Variants in GET4 observed in about 807,000 individuals in gnomAD.
GET4 encodes the protein Golgi to ER traffic protein 4 homolog.
Under a neutral mutation model 40.0 loss-of-function variants are expected in GET4, and 20 were observed. The observed-to-expected ratio is 0.50, with a 90% confidence interval of 0.35 to 0.73. The LOEUF (loss-of-function observed/expected upper bound fraction) is 0.73. Ranked by LOEUF, GET4 falls within the 30% of genes least tolerant of loss-of-function variation. The pLI is 0.01. For synonymous variants in GET4, 280 were observed against 194.6 expected (o/e 1.44, Z -3.65); for missense variants, 557 against 454.0 (o/e 1.23, Z -2.06).
chr7:884,094 T>C (rs979376960), intron 1 of GET4: 111 of 1,193,648 alleles, frequency 9.3e-5, no homozygotes, highest in Non-Finnish European at 1.1e-4. Context: ...GTCCTTTTTT[T>C]CTTCTGGTTT....
chr7:876,703 C>A lies in GET4; in HGVS notation c.58C>A (p.Arg20Ser), dbSNP rs1843948925. 1 of 1,360,106 alleles carries A rather than the reference C, an allele frequency of 7.4e-7. No individual in the cohort carries two copies. The highest frequency in any genetic ancestry group is 1.5e-5 in the South Asian group (1 of 65,738). The allele number at this position is 1,360,106 out of a possible 1,614,324, so 84.3% of individuals were successfully genotyped here. ...QESARNGGRN[R>S]GGVQRVEGKL... ...GAGCGCCCGGAACGGCGGCCGCAAC[C>A]GCGGCGGCGTCCAGCGTGTGGAGGG... Residue 20 changes from arginine to serine, a missense_variant, in exon 1 of 9, where the codon CGC becomes AGC. By Grantham distance (110) the Arg-to-Ser change is moderately radical. Transcript: ENST00000265857.
At chr7:892,218 C>T (rs1319155586) in intron 5 of GET4, 60 bp from the exon 6 acceptor site, 8 of 1,557,554 alleles carry the variant, frequency 5.1e-6, no homozygotes, top group South Asian at 3.4e-5. Flanking sequence ...AGGCCGGCGC[C>T]TGTGCGGGCA....
intron 1 of GET4, chr7:878,112 G>A: frequency 3.0e-6 from 1 of 334,934 alleles, no homozygotes; most frequent in Non-Finnish European, 6.2e-6. Flanking sequence ...CGAGTCAGCC[G>A]CCTCTGGACC....
At chr7:889,760 C>T (rs1490493975) in intron 4 of GET4, among the ~76,000 whole-genome samples, 9 of 63,738 alleles carry the variant, frequency 1.4e-4, no homozygotes, top group African/African-American at 4.4e-4. Flanking sequence ...GTGGAGGGAG[C>T]GCGAGCGGGT....
rs150453530 is a variant in GET4 at position 889,026 on chromosome 7, T to C, written c.466+1507T>C. Among the ~76,000 whole-genome samples the C allele has an allele frequency of 5.9e-4, 90 of 152,350 alleles. No individual in the cohort carries two copies. In the East Asian group the frequency reaches 0.011, roughly 19 times the overall value. ...TGGGACAGGTGATGCCCATGCCCAG[T>C]ACTCAGGAGACCTGCATGGCAGCTC... On this transcript the variant is annotated intron_variant, in intron 4 of 8. Transcript: ENST00000265857.
chr7:892,063 C>G (rs1466976583), intron 5 of GET4, among the ~76,000 whole-genome samples: 1 of 152,252 alleles, frequency 6.6e-6, no homozygotes, highest in Non-Finnish European at 1.5e-5. Flanking sequence ...GGTCACATTC[C>G]CAAGCTTCAT....
In GET4 at chr7:895,515, C is replaced by T; in HGVS notation, c.*93C>T. 1 of 627,936 alleles carries T rather than the reference C, an allele frequency of 1.6e-6. No homozygotes were observed. Among genetic ancestry groups the T allele is most frequent in the Non-Finnish European group, 2.8e-6 (1 of 353,936 alleles). 38.9% of individuals were successfully genotyped at this position (627,936 alleles called of 1,614,324 possible). ...GGGTGGCTCCTCGCCTTGGGGGCTC[C>T]TGGCCCTGAGGCTGGCGGTGGCCGC... is the stretch of plus-strand genomic sequence containing the variant. On this transcript the variant is annotated 3_prime_UTR_variant, in exon 9 of 9. Transcript: ENST00000265857.
In GET4 at chr7:886,075, C is replaced by A. The variant is rs772667695; in HGVS notation, c.175C>A (p.His59Asn). ...LFFRYMSQSK[H>N]TEARELMYSG... The stretch of plus-strand genomic sequence containing the variant: ...TGGCAGGTACATGTCCCAGAGCAAG[C>A]ACACGGAGGCCCGGGAGCTCATGTA... Residue 59 changes from histidine (H) to asparagine (N), a missense_variant, in exon 2 of 9, where the codon CAC becomes AAC. By Grantham distance (68) the His-to-Asn change is moderately conservative. Coordinates refer to ENST00000265857, the MANE Select transcript of GET4 (RefSeq NM_015949.3). The A allele has an allele frequency of 1.2e-6, 2 of 1,607,880 alleles. No individual in the cohort carries two copies. The highest frequency in any genetic ancestry group is 1.7e-6 in the Non-Finnish European group (2 of 1,175,932).
intron 7 of GET4, 39 bp downstream of exon 7, chr7:893,854 CGGTCTG>C (rs1562898648): frequency 6.2e-7 from 1 of 1,602,018 alleles, no homozygotes. Context: ...GGGGACCCCA[CGGTCTG>C]GGTCCACCCC....
chr7:895,595 C>A lies in GET4; in HGVS notation c.*173C>A. 1 of 487,976 alleles carries A rather than the reference C, an allele frequency of 2.0e-6. No homozygotes were observed. Among genetic ancestry groups the A allele is most frequent in the East Asian group, 3.4e-5 (1 of 29,122 alleles). The allele number at this position is 487,976 out of a possible 1,614,324, so 30.2% of individuals were successfully genotyped here. ...GGCTCAGGGTGGCGCGGCTGCTGCT[C>A]ACTGTGCTGCTGGGACCCAAGAGTG... On this transcript the variant is annotated 3_prime_UTR_variant, in exon 9 of 9. Transcript: ENST00000265857.
rs374027022 is a variant in GET4 at position 893,822 on chromosome 7, G to C, written c.822+7G>C. 4.0e-5 allele frequency: 65 copies of C among 1,609,390 alleles called. No homozygotes were observed. The African/African-American group carries it at 5.9e-4, about 15-fold the overall frequency. On this transcript the variant is annotated splice_region_variant and intron_variant, in intron 7 of 8. Transcript: ENST00000265857. ...GGACCCCATGTACAACGAGGTGAGA[G>C]CTTGGGGCTGGGGAGGGAGGAGGGG...
Position 883,981 on chromosome 7 carries a change from G to A in GET4, c.156-2075G>A, listed in dbSNP as rs74773165. The A allele has an allele frequency of 3.2e-3, 3,413 of 1,069,546 alleles. 76 individuals carry two copies. The African/African-American group carries it at 0.043, about 14-fold the overall frequency. 66.3% of individuals were successfully genotyped at this position (1,069,546 alleles called of 1,614,324 possible). ...CAGCTGCCCAGGGAAGAAGGGAGCCGGCTGCAAGGCGCAGTCCAAACCAGG... is the reference window on the plus strand; with the variant it reads ...CAGCTGCCCAGGGAAGAAGGGAGCCAGCTGCAAGGCGCAGTCCAAACCAGG... On this transcript the variant is annotated intron_variant, in intron 1 of 8. Transcript: ENST00000265857.
At chr7:878,410 T>C in intron 1 of GET4, 1 of 470,212 alleles carries the variant, frequency 2.1e-6, no homozygotes, top group African/African-American at 2.0e-5. Flanking sequence ...TCACTAGGAA[T>C]TGGGTCTGTT....
intron 8 of GET4, among the ~76,000 whole-genome samples, 154 bp downstream of exon 8, chr7:894,125 T>C (rs1844412333): frequency 6.6e-6 from 1 of 152,224 alleles, no homozygotes; most frequent in African/African-American, 2.4e-5. Flanking sequence ...TAGGAAATTA[T>C]TAGATTTCAG....
At chr7:879,404 G>A (rs767994168) in intron 1 of GET4, among the ~76,000 whole-genome samples, 66 of 152,218 alleles carry the variant, frequency 4.3e-4, no homozygotes, top group Non-Finnish European at 8.1e-4. Context: ...GAGAAAAGAG[G>A]AGTGTTTGTG....
intron 8 of GET4, 32 bp downstream of exon 8, chr7:894,003 C>T (rs1844407345): frequency 1.3e-6 from 2 of 1,485,864 alleles, no homozygotes; most frequent in Non-Finnish European, 9.2e-7. Flanking sequence ...ACACCCACTC[C>T]AGCCCTGGGT....
In GET4 at chr7:884,036, C is replaced by A. The variant is rs997209369; in HGVS notation, c.156-2020C>A. On this transcript the variant is annotated intron_variant, in intron 1 of 8. Coordinates refer to ENST00000265857, the MANE Select transcript of GET4 (RefSeq NM_015949.3). ...GGGCCGTGACCATCGGCAGTGCCCC[C>A]CAGAGCAGGCTCCTCGTGCAGGAAT... 3.4e-6 allele frequency: 4 copies of A among 1,167,636 alleles called. No individual in the cohort carries two copies. The Admixed American group carries it at 1.5e-4, about 44-fold the overall frequency. The allele number at this position is 1,167,636 out of a possible 1,614,324, so 72.3% of individuals were successfully genotyped here.
rs969725404 is a variant in GET4, at chr7:887,103, C to T, written c.317-267C>T. On this transcript the variant is annotated intron_variant, in intron 3 of 8. Transcript: ENST00000265857. ...GGTACCCAGAGCGGCCACAGCTGTT[C>T]CTGGACTCCAGCTCCCCACGGCACC... is the stretch of plus-strand genomic sequence containing the variant. 1.1e-5 allele frequency: 7 copies of T among 648,504 alleles called. No individual in the cohort carries two copies. In the Admixed American group the frequency reaches 1.5e-4, roughly 14 times the overall value. 40.2% of individuals were successfully genotyped at this position (648,504 alleles called of 1,614,324 possible).
At chr7:878,209 C>G in intron 1 of GET4, 1 of 468,858 alleles carries the variant, frequency 2.1e-6, no homozygotes, top group South Asian at 1.6e-5. Context: ...GCACGCCCCT[C>G]GGGACTGTGA....
Sources: allele counts gnomAD v4.1 joint callset (sites outside exome capture counted in the v4.1 genomes callset), GRCh38; gene constraint gnomAD v4.1.1; transcripts MANE v1.5; gene names NCBI Gene and HGNC (gene_info 2026-07-23, HGNC 2026-07-21).